Variants in DYNLT2B observed in about 807,000 individuals in gnomAD.
The protein encoded by DYNLT2B is dynein light chain Tctex-type protein 2B.
DYNLT2B carries 14 observed loss-of-function variants against 19.5 expected under a neutral mutation model. The ratio of observed to expected loss-of-function variants is 0.72; its 90% CI spans 0.47 to 1.12. The LOEUF (loss-of-function observed/expected upper bound fraction) is 1.12. DYNLT2B is among the 50% of genes most tolerant of loss of function. DYNLT2B has a pLI of 0.00. For missense variants in DYNLT2B, 133 were observed against 174.7 expected (o/e 0.76, Z 1.35); for synonymous variants, 70 against 59.7 (o/e 1.17, Z -0.79).
chr3:196,303,579 C>G (rs1019097389), intron 3 of DYNLT2B, among the ~76,000 whole-genome samples: 1 of 152,122 alleles, frequency 6.6e-6, no homozygotes, highest in African/African-American at 2.4e-5. Context: ...AAACCTGTAA[C>G]CTCAGACTAA....
intron 2 of DYNLT2B, among the ~76,000 whole-genome samples, chr3:196,312,430 A>G (rs942785674): frequency 6.6e-6 from 1 of 150,808 alleles, no homozygotes; most frequent in African/African-American, 2.4e-5. Context: ...AAAATAAATT[A>G]TTACCTCAAA....
At chr3:196,302,225 A>G (rs1560188354) in intron 3 of DYNLT2B, among the ~76,000 whole-genome samples, 1 of 152,202 alleles carries the variant, frequency 6.6e-6, no homozygotes, top group Non-Finnish European at 1.5e-5. Context: ...TAAATCCTAA[A>G]AAGAGAGCGG....
At chr3:196,302,943 C>T (rs1444278134) in intron 3 of DYNLT2B, among the ~76,000 whole-genome samples, 1 of 151,674 alleles carries the variant, frequency 6.6e-6, no homozygotes, top group African/African-American at 2.4e-5. Flanking sequence ...TCCTTCTTGC[C>T]GGGGGACTAG....
rs1560195328 is a variant in DYNLT2B at position 196,317,388 on chromosome 3, GT to G, written c.113+651del. 1.9e-4 allele frequency among the ~76,000 whole-genome samples: 12 copies of G among 61,960 alleles called. 1 individual carries two copies. The highest frequency in any genetic ancestry group is 6.5e-4 in the African/African-American group (12 of 18,472). 40.6% of individuals were successfully genotyped at this position (61,960 alleles called of 152,430 possible). ...TTTTTCAGTGTGTGTGTGTGTGTGT[GT>G]GTGTGTGTGTGTAAAGTTAGTGATC... On this transcript the variant is annotated intron_variant, in intron 1 of 4. Transcript: ENST00000325318.
At chr3:196,312,625 A>G (rs1726672450) in intron 2 of DYNLT2B, among the ~76,000 whole-genome samples, 2 of 151,698 alleles carry the variant, frequency 1.3e-5, no homozygotes, top group Admixed American at 1.3e-4. Context: ...CGCCCGGCTA[A>G]TTTTTGTATT....
chr3:196,313,303 C>A (rs1726688938), intron 2 of DYNLT2B, among the ~76,000 whole-genome samples: 2 of 151,518 alleles, frequency 1.3e-5, no homozygotes, highest in Non-Finnish European at 1.5e-5. Flanking sequence ...CTCAGGTGAT[C>A]CTCCTGCCTC....
In DYNLT2B at chr3:196,316,157, G is replaced by A; in HGVS notation, c.188C>T (p.Pro63Leu). The A allele has an allele frequency of 6.2e-7, 1 of 1,613,748 alleles. No individual in the cohort carries two copies. Among genetic ancestry groups the A allele is most frequent in the Non-Finnish European group, 8.5e-7 (1 of 1,179,808 alleles). Residue 63 changes from proline to leucine, a missense_variant, in exon 2 of 5, where the codon CCA (proline) becomes CTA (leucine). Coordinates refer to ENST00000325318, the MANE Select transcript of DYNLT2B (RefSeq NM_152773.5). ...KEELANAEYS[P>L]EEMPQLTKHL... is the part of the protein sequence containing the mutation. ...TTTTGTAAGCTGAGGCATTTCTTCT[G>A]GAGAATATTCAGCATTTGCCAGTTC...
At chr3:196,306,691 A>C (rs987500806) in intron 3 of DYNLT2B, among the ~76,000 whole-genome samples, 4 of 151,898 alleles carry the variant, frequency 2.6e-5, no homozygotes, top group Non-Finnish European at 5.9e-5. Flanking sequence ...TGGGACTACA[A>C]GCGCACGCCA....
intron 4 of DYNLT2B, among the ~76,000 whole-genome samples, chr3:196,292,801 T>C (rs1488451966): frequency 1.3e-5 from 2 of 152,114 alleles, no homozygotes; most frequent in African/African-American, 4.8e-5. Context: ...CACATGATTT[T>C]CCCTCCTTTC....
In DYNLT2B at chr3:196,318,117, G is replaced by T; in HGVS notation, c.36C>A (p.Gly12=). The T allele has an allele frequency of 1.3e-6, 2 of 1,557,228 alleles. No homozygotes were observed. The highest frequency in any genetic ancestry group is 1.7e-6 in the Non-Finnish European group (2 of 1,158,316). The part of the protein sequence containing the change: ...ATSIGVSFSV[G]DGVPEAEKNA... ...TCTTCTCAGCCTCAGGCACCCCGTC[G>T]CCCACCGAGAAGGACACTCCGATGG... The change falls in exon 1 of 5, where the codon GGC becomes GGA. Residue 12 remains glycine, a synonymous_variant. Coordinates refer to ENST00000325318, the MANE Select transcript of DYNLT2B (RefSeq NM_152773.5).
intron 2 of DYNLT2B, among the ~76,000 whole-genome samples, chr3:196,315,531 G>A (rs958647161): frequency 2.0e-5 from 3 of 151,438 alleles, no homozygotes; most frequent in East Asian, 2.0e-4. Flanking sequence ...AAAGTGCTGC[G>A]ATTACAGGCG....
intron 2 of DYNLT2B, among the ~76,000 whole-genome samples, chr3:196,310,543 C>G (rs567742778): frequency 1.3e-5 from 2 of 151,968 alleles, no homozygotes; most frequent in African/African-American, 4.8e-5. Context: ...ATTCTCCCAC[C>G]TGAGCCTTCT....
At chr3:196,301,646 G>A (rs942668993) in intron 3 of DYNLT2B, among the ~76,000 whole-genome samples, 2 of 152,108 alleles carry the variant, frequency 1.3e-5, no homozygotes, top group African/African-American at 4.8e-5. Flanking sequence ...CTGGAAGGTG[G>A]AGGCTGCAGT....
At chr3:196,303,530 G>GCC (rs1726410486) in intron 3 of DYNLT2B, among the ~76,000 whole-genome samples, 1 of 152,136 alleles carries the variant, frequency 6.6e-6, no homozygotes, top group Non-Finnish European at 1.5e-5. Context: ...GATATGATAT[G>GCC]ACGAGAATGG....
intron 3 of DYNLT2B, chr3:196,296,341 A>G: frequency 6.6e-6 from 2 of 305,290 alleles, no homozygotes; most frequent in South Asian, 8.2e-5. Context: ...ACAGGGATCA[A>G]TACTAGAGAT....
chr3:196,298,728 AAAGAGGTGAACTCTAG>A (rs1726279501), intron 3 of DYNLT2B, among the ~76,000 whole-genome samples: 2 of 152,092 alleles, frequency 1.3e-5, no homozygotes, highest in Non-Finnish European at 2.9e-5. Context: ...AAAATTCCAG[AAAGAGGTGAACTCTAG>A]GAGGTAAGCT....
intron 2 of DYNLT2B, among the ~76,000 whole-genome samples, chr3:196,307,322 G>A (rs1726513999): frequency 6.6e-6 from 1 of 152,026 alleles, no homozygotes; most frequent in African/African-American, 2.4e-5. Context: ...TTGTTTTTGA[G>A]ATGGATTCTC....
chr3:196,291,389 C>A lies in DYNLT2B; in HGVS notation c.382-15G>T, dbSNP rs1265782085. The A allele has an allele frequency of 9.9e-6, 16 of 1,608,044 alleles. No individual in the cohort carries two copies. Among genetic ancestry groups the A allele is most frequent in the Non-Finnish European group, 1.3e-5 (15 of 1,177,412 alleles). On this transcript the variant is annotated splice_polypyrimidine_tract_variant and intron_variant, in intron 4 of 4. Coordinates refer to ENST00000325318, the MANE Select transcript of DYNLT2B (RefSeq NM_152773.5). The stretch of plus-strand genomic sequence containing the variant: ...AATAAACTGTCCTAAAAAATAAATA[C>A]AACACACACACACATCCAGAATGTT...
At chr3:196,309,287 T>C (rs1485400849) in intron 2 of DYNLT2B, among the ~76,000 whole-genome samples, 1 of 152,060 alleles carries the variant, frequency 6.6e-6, no homozygotes, top group Non-Finnish European at 1.5e-5. Context: ...TTTTTTGAGA[T>C]GGAGTTTCAC....
Sources: allele counts gnomAD v4.1 joint callset (sites outside exome capture counted in the v4.1 genomes callset), GRCh38; gene constraint gnomAD v4.1.1; transcripts MANE v1.5; gene names NCBI Gene and HGNC (gene_info 2026-07-23, HGNC 2026-07-21).